Variants in SHANK2 observed in about 807,000 individuals in gnomAD.
SHANK2 encodes the protein SH3 and multiple ankyrin repeat domains protein 2.
In SHANK2, 43 loss-of-function variants were observed where a neutral mutation model predicts 133.7. That is an observed-to-expected ratio of 0.32 (90% CI 0.25 to 0.41). The LOEUF (loss-of-function observed/expected upper bound fraction) is 0.41. Among genes scored for constraint, SHANK2 ranks in the 10% least tolerant of loss-of-function variants. The pLI is 1.00. For synonymous variants in SHANK2, 1,017 were observed against 952.8 expected, an observed-to-expected ratio of 1.07 and a Z score of -1.24; for missense variants, 1,994 against 2,235.8, an observed-to-expected ratio of 0.89 and a Z score of 2.18.
chr11:71,109,846 T>C, intron 6 of SHANK2, 95 bp downstream of exon 6: 2 of 762,664 alleles, frequency 2.6e-6, no homozygotes, highest in Non-Finnish European at 4.5e-6. Context: ...AAGTAAAAGG[T>C]AACTGCAGCG....
chr11:70,556,613 A>G (rs1393163608), intron 17 of SHANK2, among the ~76,000 whole-genome samples: 9 of 141,352 alleles, frequency 6.4e-5, no homozygotes, highest in Non-Finnish European at 1.5e-5. Context: ...TTTTCTTGAG[A>G]CAGGGTCTCA....
intron 14 of SHANK2, among the ~76,000 whole-genome samples, chr11:70,774,568 C>T (rs946192161): frequency 6.6e-6 from 1 of 152,144 alleles, no homozygotes; most frequent in Non-Finnish European, 1.5e-5. Flanking sequence ...GATCCGCCCG[C>T]CTTGGCCTCC....
intron 17 of SHANK2, among the ~76,000 whole-genome samples, chr11:70,538,986 TG>T (rs1302929797): frequency 3.3e-5 from 5 of 152,242 alleles, no homozygotes; most frequent in Non-Finnish European, 4.4e-5. Context: ...GCCACAAGCC[TG>T]GCACCCAGGC....
At chr11:70,717,220 C>T (rs1483350977) in intron 14 of SHANK2, among the ~76,000 whole-genome samples, 16 of 152,120 alleles carry the variant, frequency 1.1e-4, no homozygotes, top group Non-Finnish European at 2.1e-4. Context: ...GGAAAGAACA[C>T]GCCAGAAAAT....
chr11:71,121,462 T>A (rs568885518), intron 3 of SHANK2, among the ~76,000 whole-genome samples: 10 of 152,344 alleles, frequency 6.6e-5, no homozygotes, highest in African/African-American at 2.2e-4. Flanking sequence ...AATCTGGATA[T>A]TAGCCCTTTG....
rs183671160 is a variant in SHANK2, at chr11:70,739,976, G to A, written c.1778-41213C>T. Reference sequence around the variant, plus strand: ...TCCAGCTTGGCTCCTTCGCCATCAGGAGACCTTGGACAGTCACACGACCCA... The same window carrying A: ...TCCAGCTTGGCTCCTTCGCCATCAGAAGACCTTGGACAGTCACACGACCCA... On this transcript the variant is annotated intron_variant, in intron 14 of 25. Coordinates refer to ENST00000601538, the MANE Select transcript of SHANK2 (RefSeq NM_012309.5). This position sits in a 1 kb window ranked among gnomAD's most constrained non-coding sequence, Gnocchi z 4.3. Among the ~76,000 whole-genome samples, 68 of 152,338 alleles carry A rather than the reference G, an allele frequency of 4.5e-4. No individual in the cohort carries two copies. The highest frequency in any genetic ancestry group is 1.5e-3 in the African/African-American group (64 of 41,576).
At chr11:71,105,524 G>A (rs185709199) in intron 6 of SHANK2, among the ~76,000 whole-genome samples, 53 of 150,528 alleles carry the variant, frequency 3.5e-4, no homozygotes, top group Non-Finnish European at 7.4e-4. Flanking sequence ...CTCGGGAGGC[G>A]GAGGTTGCAG....
At chr11:71,211,224 A>C (rs1954273176) in intron 2 of SHANK2, among the ~76,000 whole-genome samples, 3 of 137,684 alleles carry the variant, frequency 2.2e-5, no homozygotes, top group Admixed American at 7.5e-5. Context: ...GGAAAAAAAC[A>C]TTGAGATTTT....
chr11:71,138,545 G>C (rs558090716), intron 3 of SHANK2, among the ~76,000 whole-genome samples: 3 of 152,046 alleles, frequency 2.0e-5, no homozygotes, highest in Admixed American at 2.0e-4. Context: ...GGCCGGGCGC[G>C]GTGGTTCACG....
At chr11:70,591,203 T>C (rs555749372) in intron 17 of SHANK2, among the ~76,000 whole-genome samples, 30 of 151,892 alleles carry the variant, frequency 2.0e-4, no homozygotes, top group African/African-American at 6.5e-4. Context: ...AATACAAAAA[T>C]TAGCTGGGTG....
At chr11:70,560,575 A>G (rs1554980611) in intron 17 of SHANK2, among the ~76,000 whole-genome samples, 1 of 149,212 alleles carries the variant, frequency 6.7e-6, no homozygotes, top group African/African-American at 2.5e-5. Context: ...TAAGCAAAAC[A>G]ACTGTAAAAA....
chr11:70,659,648 C>T (rs575418743), intron 17 of SHANK2, among the ~76,000 whole-genome samples, 180 bp downstream of exon 17: 21 of 152,322 alleles, frequency 1.4e-4, no homozygotes, highest in African/African-American at 4.6e-4. Context: ...AAGACAAGCC[C>T]AACACCAGGT....
At chr11:70,653,150 T>G (rs1157092911) in intron 17 of SHANK2, among the ~76,000 whole-genome samples, 1 of 152,050 alleles carries the variant, frequency 6.6e-6, no homozygotes, top group East Asian at 1.9e-4. Context: ...TTTTTTTGTA[T>G]TTTTAGTAGA....
chr11:71,125,849 C>T (rs1344419358), intron 3 of SHANK2, among the ~76,000 whole-genome samples: 5 of 152,152 alleles, frequency 3.3e-5, no homozygotes, highest in African/African-American at 1.2e-4. Context: ...TTGTTAGGGG[C>T]TAATGCAGCT....
intron 14 of SHANK2, among the ~76,000 whole-genome samples, chr11:70,770,012 C>T (rs536719214): frequency 7.2e-4 from 110 of 152,312 alleles, no homozygotes; most frequent in Non-Finnish European, 1.3e-3. Context: ...GAAGGCCTTA[C>T]GTAACCTTGT....
intron 14 of SHANK2, among the ~76,000 whole-genome samples, chr11:70,710,027 G>C (rs1945746101): frequency 6.6e-6 from 1 of 152,154 alleles, no homozygotes; most frequent in African/African-American, 2.4e-5. Context: ...TTGAAATTCA[G>C]AGGCCAGGAA....
intron 10 of SHANK2, among the ~76,000 whole-genome samples, chr11:70,939,092 G>A (rs1235693031): frequency 4.6e-5 from 7 of 152,250 alleles, no homozygotes; most frequent in Admixed American, 6.5e-5. Context: ...AAGGGAACCC[G>A]GGGTGACTTT....
At chr11:70,730,015 C>T (rs1050358943) in intron 14 of SHANK2, among the ~76,000 whole-genome samples, 3 of 151,960 alleles carry the variant, frequency 2.0e-5, no homozygotes, top group Non-Finnish European at 4.4e-5. Context: ...CTCCCTGCCT[C>T]GGTTTTCTCC....
chr11:71,170,839 G>C (rs1953299234), intron 2 of SHANK2, among the ~76,000 whole-genome samples: 1 of 152,218 alleles, frequency 6.6e-6, no homozygotes, highest in South Asian at 2.1e-4. Context: ...CAAATCACGA[G>C]AGCTTTAGGA....
Sources: gnomAD v4.1 joint callset for allele counts (sites outside exome capture counted in the v4.1 genomes callset) on GRCh38, gnomAD v4.1.1 for gene constraint, Gnocchi (gnomAD v3.1) non-coding constraint, MANE v1.5 for transcripts, NCBI Gene and HGNC (gene_info 2026-07-23, HGNC 2026-07-21) for gene names.